Variants in CABCOCO1 observed in about 807,000 individuals in gnomAD.
CABCOCO1 encodes the protein ciliary associated calcium binding coiled-coil 1.
Under a neutral mutation model 35.7 loss-of-function variants are expected in CABCOCO1, and 28 were observed. That is an observed-to-expected ratio of 0.78 (90% confidence interval 0.58 to 1.07). The LOEUF is 1.07. Among genes scored for constraint, CABCOCO1 ranks in the 50% least tolerant of loss-of-function variants. CABCOCO1 has a pLI of 0.00. For missense variants in CABCOCO1, 326 were observed against 309.2 expected (o/e 1.05, Z -0.41); for synonymous variants, 95 against 100.1 (o/e 0.95, Z 0.30).
intron 1 of CABCOCO1, among the ~76,000 whole-genome samples, chr10:61,670,215 A>C (rs2131951533): frequency 6.6e-6 from 1 of 152,246 alleles, no homozygotes; most frequent in African/African-American, 2.4e-5. Context: ...TTTACCACTC[A>C]TAAAAATATA....
intron 5 of CABCOCO1, among the ~76,000 whole-genome samples, chr10:61,758,005 A>G (rs1365470267): frequency 2.0e-5 from 3 of 152,096 alleles, no homozygotes; most frequent in Non-Finnish European, 4.4e-5. Context: ...CAAGCTTAGC[A>G]ACAAGACAAA....
chr10:61,691,815 A>T (rs1840153195), intron 5 of CABCOCO1, among the ~76,000 whole-genome samples: 1 of 152,150 alleles, frequency 6.6e-6, no homozygotes, highest in African/African-American at 2.4e-5. Flanking sequence ...CCTGCAAAGG[A>T]CATGAACTCA....
At chr10:61,708,568 T>A (rs1160326506) in intron 5 of CABCOCO1, among the ~76,000 whole-genome samples, 1 of 152,032 alleles carries the variant, frequency 6.6e-6, no homozygotes, top group South Asian at 2.1e-4. Flanking sequence ...TTATAAGGAG[T>A]GCCTTCTTAC....
chr10:61,719,248 G>A (rs1840940084), intron 5 of CABCOCO1, among the ~76,000 whole-genome samples: 1 of 152,120 alleles, frequency 6.6e-6, no homozygotes, highest in African/African-American at 2.4e-5. Context: ...GAACGGTAAT[G>A]ACATAAGGGC....
chr10:61,733,737 C>A (rs1841355166), intron 5 of CABCOCO1, among the ~76,000 whole-genome samples: 1 of 151,836 alleles, frequency 6.6e-6, no homozygotes, highest in African/African-American at 2.4e-5. Context: ...AAATACAAAC[C>A]GAGACTTGTC....
At chr10:61,695,243 T>C (rs1174292398) in intron 5 of CABCOCO1, among the ~76,000 whole-genome samples, 1 of 151,630 alleles carries the variant, frequency 6.6e-6, no homozygotes, top group Non-Finnish European at 1.5e-5. Flanking sequence ...TGGATGTGTT[T>C]AACAAGTTAG....
chr10:61,757,620 C>T (rs1841924254), intron 5 of CABCOCO1, among the ~76,000 whole-genome samples: 1 of 151,866 alleles, frequency 6.6e-6, no homozygotes, highest in African/African-American at 2.4e-5. Context: ...TTGGGAGTTT[C>T]ACTCCACCAA....
At chr10:61,729,128 TATA>T (rs1453717931) in intron 5 of CABCOCO1, among the ~76,000 whole-genome samples, 2 of 152,058 alleles carry the variant, frequency 1.3e-5, no homozygotes, top group African/African-American at 2.4e-5. Context: ...TAAGACATAA[TATA>T]ATATTTTTTC....
At chr10:61,704,995 A>T (rs775514058) in intron 5 of CABCOCO1, among the ~76,000 whole-genome samples, 1 of 152,126 alleles carries the variant, frequency 6.6e-6, no homozygotes, top group Non-Finnish European at 1.5e-5. Flanking sequence ...TGCTTAATAA[A>T]TATCTGTTCA....
At chr10:61,754,358 C>T (rs1235694442) in intron 5 of CABCOCO1, among the ~76,000 whole-genome samples, 1 of 152,046 alleles carries the variant, frequency 6.6e-6, no homozygotes, top group Non-Finnish European at 1.5e-5. Flanking sequence ...GAAATGTTTG[C>T]ACCACGGCCA....
intron 5 of CABCOCO1, among the ~76,000 whole-genome samples, chr10:61,715,307 C>T: frequency 6.6e-6 from 1 of 152,062 alleles, no homozygotes; most frequent in Admixed American, 6.6e-5. Flanking sequence ...GGTTTAAAAT[C>T]TGTTTTATCA....
intron 7 of CABCOCO1, among the ~76,000 whole-genome samples, chr10:61,763,499 G>T (rs896337289): frequency 6.6e-6 from 1 of 151,870 alleles, no homozygotes; most frequent in Non-Finnish European, 1.5e-5. Context: ...AATTATTTTG[G>T]CCCTGAGTTG....
chr10:61,694,545 A>G (rs953660603), intron 5 of CABCOCO1, among the ~76,000 whole-genome samples: 21 of 151,930 alleles, frequency 1.4e-4, no homozygotes, highest in African/African-American at 4.6e-4. Context: ...TTCATTTCCC[A>G]TAATGGAAGA....
intron 3 of CABCOCO1, among the ~76,000 whole-genome samples, chr10:61,684,318 A>C (rs1839889949): frequency 6.6e-6 from 1 of 152,222 alleles, no homozygotes; most frequent in Admixed American, 6.5e-5. Context: ...TAAGTAGATA[A>C]GAAGCTATAC....
At chr10:61,753,983 A>G (rs1420211660) in intron 5 of CABCOCO1, among the ~76,000 whole-genome samples, 1 of 152,150 alleles carries the variant, frequency 6.6e-6, no homozygotes, top group South Asian at 2.1e-4. Context: ...AGCATCCTCA[A>G]TATGGCTATT....
At chr10:61,691,982 G>A (rs1840158955) in intron 5 of CABCOCO1, among the ~76,000 whole-genome samples, 2 of 152,110 alleles carry the variant, frequency 1.3e-5, no homozygotes, top group South Asian at 4.1e-4. Flanking sequence ...ATAGTAGAAT[G>A]ATTTATAATC....
At chr10:61,765,441 G>A (rs902562405) in intron 7 of CABCOCO1, among the ~76,000 whole-genome samples, 2 of 152,150 alleles carry the variant, frequency 1.3e-5, no homozygotes, top group African/African-American at 4.8e-5. Context: ...TCTAATGTAT[G>A]ATGAATACTC....
chr10:61,703,820 C>A (rs1025378386), intron 5 of CABCOCO1, among the ~76,000 whole-genome samples: 2 of 152,138 alleles, frequency 1.3e-5, no homozygotes, highest in African/African-American at 4.8e-5. Flanking sequence ...CTTCTTACTA[C>A]ATATCTTTAG....
chr10:61,748,716 T>C (rs1764101809), intron 5 of CABCOCO1, among the ~76,000 whole-genome samples: 1 of 152,236 alleles, frequency 6.6e-6, no homozygotes, highest in African/African-American at 2.4e-5. Context: ...TAAGATCGCA[T>C]TCTCTGTTTC....
Sources: gnomAD v4.1 joint callset for allele counts (sites outside exome capture counted in the v4.1 genomes callset) on GRCh38, gnomAD v4.1.1 for gene constraint, MANE v1.5 for transcripts, NCBI Gene and HGNC (gene_info 2026-07-23, HGNC 2026-07-21) for gene names.